MFSD11: variants seen among roughly 807,000 people sequenced by gnomAD.
MFSD11 encodes UNC93-like protein MFSD11.
Under a neutral mutation model 53.5 loss-of-function variants are expected in MFSD11, and 36 were observed. The observed-to-expected ratio is 0.67, with a 90% confidence interval of 0.52 to 0.89. The LOEUF (loss-of-function observed/expected upper bound fraction) is 0.89. Among genes scored for constraint, MFSD11 ranks in the 40% least tolerant of loss-of-function variants. The pLI is 0.00. For synonymous variants in MFSD11, 186 were observed against 184.9 expected (o/e 1.01, Z -0.05); for missense variants, 530 against 543.9 (o/e 0.97, Z 0.25).
At chr17:76,786,747 C>G in the MFSD11 span, among the ~76,000 whole-genome samples, 3 of 152,168 alleles carry the variant, frequency 2.0e-5, no homozygotes, top group Non-Finnish European at 4.4e-5. Context: ...CAGCCTCTGC[C>G]CAGCTGGTAC....
chr17:76,753,315 G>T (rs975254684), intron 7 of MFSD11, among the ~76,000 whole-genome samples: 17 of 152,176 alleles, frequency 1.1e-4, no homozygotes, highest in Admixed American at 6.5e-4. Context: ...TAATGCCAAA[G>T]AACTTATTTT....
At chr17:76,792,153 A>G in the MFSD11 span, among the ~76,000 whole-genome samples, 2 of 146,232 alleles carry the variant, frequency 1.4e-5, no homozygotes, top group Non-Finnish European at 3.0e-5. Flanking sequence ...GAGTCTCACT[A>G]TATTGCCCAG....
intron 11 of MFSD11, among the ~76,000 whole-genome samples, chr17:76,775,390 A>G (rs1384349191): frequency 6.6e-6 from 1 of 152,104 alleles, no homozygotes; most frequent in African/African-American, 2.4e-5. Context: ...CCCCCACTAA[A>G]TCTTTTTCTT....
At chr17:76,781,150 G>C (rs1598813927), downstream of MFSD11, 1 of 152,212 alleles carries the variant, frequency 6.6e-6, no homozygotes, top group Admixed American at 6.5e-5. Flanking sequence ...AGGCTTCACT[G>C]GGGGAGGGCC....
At chr17:76,774,706 G>A (rs2081655565) in intron 10 of MFSD11, among the ~76,000 whole-genome samples, 1 of 152,140 alleles carries the variant, frequency 6.6e-6, no homozygotes. Context: ...TTTTATTTCT[G>A]TTATAAGCTA....
rs758686078 is a variant in MFSD11, at chr17:76,775,030, A to G, written c.908A>G (p.Asn303Ser). Residue 303 changes from asparagine to serine, a missense_variant, in exon 11 of 13, where the codon AAT becomes AGT. Coordinates refer to ENST00000685175, the MANE Select transcript of MFSD11 (RefSeq NM_001242532.5). Reference sequence around the variant, plus strand: ...CTCTTCGGCCTGCTGAGCAAGAACAATCGTTTTGGTAGAAATCCAGTTGTG... The same window carrying G: ...CTCTTCGGCCTGCTGAGCAAGAACAGTCGTTTTGGTAGAAATCCAGTTGTG... Reference protein sequence around the residue: ...GSLFGLLSKNNRFGRNPVVLL... With the variant: ...GSLFGLLSKNSRFGRNPVVLL... 19 of 1,613,836 alleles carry G rather than the reference A, an allele frequency of 1.2e-5. No homozygotes were observed. The highest frequency in any genetic ancestry group is 1.1e-4 in the African/African-American group (8 of 74,900).
At chr17:76,782,969 G>A (rs1469116652), downstream of MFSD11, among the ~76,000 whole-genome samples, 4 of 151,720 alleles carry the variant, frequency 2.6e-5, no homozygotes, top group Non-Finnish European at 5.9e-5. Flanking sequence ...ACAAGGTCAA[G>A]AGTTCGAGAC....
At chr17:76,748,788 A>G (rs1488175452) in intron 7 of MFSD11, among the ~76,000 whole-genome samples, 4 of 151,530 alleles carry the variant, frequency 2.6e-5, no homozygotes, top group African/African-American at 9.7e-5. Flanking sequence ...AGTTACTTCT[A>G]TCCTCCTTCT....
intron 10 of MFSD11, among the ~76,000 whole-genome samples, chr17:76,771,802 C>T (rs16969273): frequency 0.085 from 12,899 of 152,134 alleles, 1,822 homozygotes; most frequent in African/African-American, 0.29. Context: ...GTAACCTGGG[C>T]AGAGAGAATG....
chr17:76,793,891 T>C, the MFSD11 span, among the ~76,000 whole-genome samples: 8 of 151,190 alleles, frequency 5.3e-5, no homozygotes, highest in African/African-American at 1.7e-4. Context: ...AGTGATGCAT[T>C]GGGACAAAGA....
In MFSD11 at chr17:76,748,407, G is replaced by T. The variant is rs374850219; in HGVS notation, c.641+3941G>T. ...AAGAGACAGCTCTGTCTGTCTTCTGGCTGGGCACAGTGGCTCCTGCCTGTA... is the reference window on the plus strand; with the variant it reads ...AAGAGACAGCTCTGTCTGTCTTCTGTCTGGGCACAGTGGCTCCTGCCTGTA... On this transcript the variant is annotated intron_variant, in intron 7 of 12. Coordinates refer to ENST00000685175, the MANE Select transcript of MFSD11 (RefSeq NM_001242532.5). Among the ~76,000 whole-genome samples, 6 of 152,254 alleles carry T rather than the reference G, an allele frequency of 3.9e-5. No homozygotes were observed. The East Asian group carries it at 5.8e-4, about 15-fold the overall frequency.
At chr17:76,801,780 G>C in the MFSD11 span, among the ~76,000 whole-genome samples, 15 of 152,048 alleles carry the variant, frequency 9.9e-5, no homozygotes, top group African/African-American at 3.6e-4. Flanking sequence ...GCTTTTGGTG[G>C]GTTTGGCTGG....
At chr17:76,757,059 C>T (rs572363711) in intron 8 of MFSD11, among the ~76,000 whole-genome samples, 7 of 151,940 alleles carry the variant, frequency 4.6e-5, no homozygotes, top group African/African-American at 2.4e-5. Context: ...AGATCGGAGT[C>T]GTTAAAGGGA....
In MFSD11 at chr17:76,742,146, T is replaced by G. The variant is rs73996697; in HGVS notation, c.341-31T>G. 6.4e-4 allele frequency: 1,040 copies of G among 1,613,920 alleles called. 8 individuals are homozygous for G. The African/African-American group carries it at 0.011, about 18-fold the overall frequency. On this transcript the variant is annotated intron_variant, in intron 4 of 12. Transcript: ENST00000685175. ...GTATGTGACTCTAAGTGAATTTCTTTCCCTTGATAAACTTTTGGGTTGAAT... is the reference window on the plus strand; with the variant it reads ...GTATGTGACTCTAAGTGAATTTCTTGCCCTTGATAAACTTTTGGGTTGAAT...
chr17:76,738,062 C>A (rs1173958133), upstream of MFSD11: 2 of 434,156 alleles, frequency 4.6e-6, no homozygotes, highest in Non-Finnish European at 8.1e-6. Flanking sequence ...CCCTTTAATC[C>A]CCTTCGTGGG....
At chr17:76,794,764 C>T in the MFSD11 span, among the ~76,000 whole-genome samples, 3 of 127,206 alleles carry the variant, frequency 2.4e-5, no homozygotes, top group East Asian at 8.8e-4. Context: ...GTGATCTGGG[C>T]TCACTGCAAC....
chr17:76,752,019 A>T (rs1028289978), intron 7 of MFSD11, among the ~76,000 whole-genome samples: 1 of 152,216 alleles, frequency 6.6e-6, no homozygotes, highest in African/African-American at 2.4e-5. Context: ...GTTATTGAAT[A>T]TGATTCTAGT....
the MFSD11 span, among the ~76,000 whole-genome samples, chr17:76,789,621 C>T: frequency 2.0e-5 from 3 of 149,958 alleles, no homozygotes; most frequent in Non-Finnish European, 3.0e-5. Flanking sequence ...ATCATTTTAG[C>T]GACACAGTTT....
At chr17:76,772,997 A>T (rs2081501236) in intron 10 of MFSD11, 1 of 152,306 alleles carries the variant, frequency 6.6e-6, no homozygotes. Flanking sequence ...TAAGCTTTTA[A>T]GTGGCTGGTG....
Sources: allele counts gnomAD v4.1 joint callset (sites outside exome capture counted in the v4.1 genomes callset), GRCh38; gene constraint gnomAD v4.1.1; transcripts MANE v1.5; gene names NCBI Gene and HGNC (gene_info 2026-07-23, HGNC 2026-07-21).